SETX: variants seen among roughly 807,000 people sequenced by gnomAD.
The protein encoded by SETX is helicase senataxin.
In SETX, 90 loss-of-function variants were observed where a neutral mutation model predicts 227.2. That is an observed-to-expected ratio of 0.40 (90% confidence interval 0.33 to 0.47). SETX has a LOEUF of 0.47. Among genes scored for constraint, SETX ranks in the 20% least tolerant of loss-of-function variants. The pLI, the probability that SETX is intolerant of heterozygous loss-of-function variation, is 0.91. For synonymous variants in SETX, 1,210 were observed against 1,113.2 expected, an observed-to-expected ratio of 1.09 and a Z score of -1.73; for missense variants, 3,052 against 3,181.5, an observed-to-expected ratio of 0.96 and a Z score of 0.98.
intron 10 of SETX, among the ~76,000 whole-genome samples, chr9:132,317,945 CCTT>C (rs1274627553): frequency 5.3e-5 from 8 of 152,292 alleles, no homozygotes; most frequent in East Asian, 3.9e-4. Context: ...ACTCTCAACT[CCTT>C]CTCCATTTCT....
chr9:132,274,648 G>A (rs184467507), intron 23 of SETX, among the ~76,000 whole-genome samples: 1 of 151,998 alleles, frequency 6.6e-6, no homozygotes, highest in African/African-American at 2.4e-5. Flanking sequence ...GTTTCACCAT[G>A]TTGCCCAGGC....
At position 132,328,035 on chromosome 9, in the gene SETX, G is replaced by C; in HGVS notation, c.3563C>G (p.Thr1188Ser). 9.3e-6 allele frequency: 15 copies of C among 1,614,082 alleles called. No homozygotes were observed. The highest frequency in any genetic ancestry group is 1.2e-5 in the Non-Finnish European group (14 of 1,180,010). The change falls in exon 10 of 26, where the codon ACT (threonine) becomes AGT (serine). Residue 1188 changes from threonine to serine, a missense_variant. Physicochemically the swap from Thr to Ser is moderately conservative, Grantham distance 58. Coordinates refer to ENST00000224140, the MANE Select transcript of SETX (RefSeq NM_015046.7). The stretch of plus-strand genomic sequence containing the variant: ...ATTTCCCACAAGATCTCTCTTATTA[G>C]TATCAGACTGGCCCTCATTTCTGAC... ...SSVRNEGQSDTNKRDLVGNDF... is the reference protein window; with the variant it reads ...SSVRNEGQSDSNKRDLVGNDF...
chr9:132,302,864 TAAAG>T (rs1472245653), intron 11 of SETX, among the ~76,000 whole-genome samples: 3 of 152,152 alleles, frequency 2.0e-5, no homozygotes, highest in South Asian at 2.1e-4. Context: ...GCTATACAGA[TAAAG>T]AAAACGGTGT....
At chr9:132,313,777 T>C (rs1845805711) in intron 10 of SETX, among the ~76,000 whole-genome samples, 1 of 151,442 alleles carries the variant, frequency 6.6e-6, no homozygotes, top group African/African-American at 2.4e-5. Flanking sequence ...GGATGAAAAA[T>C]CATGCAGATG....
intron 11 of SETX, among the ~76,000 whole-genome samples, chr9:132,306,077 C>T (rs1845319797): frequency 6.6e-6 from 1 of 152,172 alleles, no homozygotes; most frequent in Non-Finnish European, 1.5e-5. Flanking sequence ...TTCTTCATCT[C>T]CTTACTCCAT....
chr9:132,269,853 CTAGAATGA>C (rs1187856484), intron 24 of SETX, 151 bp from the exon 25 acceptor site: 2 of 768,410 alleles, frequency 2.6e-6, no homozygotes, highest in Non-Finnish European at 4.5e-6. Context: ...CAGGTGGACT[CTAGAATGA>C]CTCAGCGTGC....
chr9:132,310,155 A>T (rs945359314), intron 11 of SETX, among the ~76,000 whole-genome samples: 1 of 152,210 alleles, frequency 6.6e-6, no homozygotes, highest in East Asian at 1.9e-4. Flanking sequence ...CAGCTACTAA[A>T]TATGTGAAAA....
At chr9:132,286,397 G>T (rs1428890738) in intron 18 of SETX, 26 bp downstream of exon 18, 4 of 1,501,724 alleles carry the variant, frequency 2.7e-6, no homozygotes, top group Non-Finnish European at 3.6e-6. Context: ...AAAAAATCAA[G>T]AAAATGCTAC....
intron 10 of SETX, among the ~76,000 whole-genome samples, chr9:132,325,551 C>T (rs1052480300): frequency 2.6e-5 from 4 of 152,114 alleles, no homozygotes; most frequent in African/African-American, 7.2e-5. Flanking sequence ...TTCCTTTACC[C>T]GTGCGTCAAT....
chr9:132,273,370 C>T (rs945513946), intron 23 of SETX, among the ~76,000 whole-genome samples: 2 of 152,108 alleles, frequency 1.3e-5, no homozygotes, highest in Admixed American at 1.3e-4. Context: ...ACCATGTTGG[C>T]CAGGCTGGTC....
intron 6 of SETX, among the ~76,000 whole-genome samples, chr9:132,335,709 A>G (rs893169807): frequency 1.3e-5 from 2 of 152,156 alleles, no homozygotes; most frequent in Non-Finnish European, 2.9e-5. Context: ...AAAGCCAACT[A>G]TTACACTAAT....
chr9:132,311,771 T>A lies in SETX; in HGVS notation c.5360A>T (p.Tyr1787Phe), dbSNP rs745606803. The A allele has an allele frequency of 1.9e-6, 3 of 1,611,906 alleles. No individual in the cohort carries two copies. The African/African-American group carries it at 4.0e-5, about 22-fold the overall frequency. ...VRKFPADYIK[Y>F]WEFAVYLEEC... ...AAAAAACTTACCTGCAAACTCCCAG[T>A]ATTTTATATAATCGGCAGGAAATTT... The change falls in exon 11 of 26, where the codon TAC (tyrosine) becomes TTC (phenylalanine). Residue 1787 changes from tyrosine (Y) to phenylalanine (F), a missense_variant. Tyr to Phe is a conservative substitution (Grantham distance 22). This residue lies in a region of SETX where 239 missense variants were observed against 272.1 expected (regional missense o/e 0.88). Transcript: ENST00000224140.
Position 132,329,093 on chromosome 9 carries a change from A to C in SETX, c.2505T>G (p.Asp835Glu). Residue 835 changes from aspartate to glutamate, a missense_variant, in exon 10 of 26, where the codon GAT becomes GAG. Asp to Glu is a conservative substitution (Grantham distance 45). Transcript: ENST00000224140. ...CTAAAGAAAGATTGTGTATGAAACC[A>C]TCTCCTTTCTGAACTCCTGTATCTT... ...SRKDTGVQKG[D>E]GFIHNLSLDP... 6.2e-7 allele frequency: 1 copy of C among 1,610,388 alleles called. No homozygotes were observed. The highest frequency in any genetic ancestry group is 8.5e-7 in the Non-Finnish European group (1 of 1,179,500).
At chr9:132,340,259 T>C (rs915421782) in intron 5 of SETX, among the ~76,000 whole-genome samples, 1 of 152,232 alleles carries the variant, frequency 6.6e-6, no homozygotes. Context: ...TGTAGGTTTG[T>C]TGGTTCTCAC....
intron 4 of SETX, 107 bp from the exon 5 acceptor site, chr9:132,342,906 A>G (rs1171353211): frequency 2.4e-6 from 2 of 830,236 alleles, no homozygotes; most frequent in Non-Finnish European, 3.9e-6. Context: ...TTTGCTTTTT[A>G]TTTTTCCAAA....
intron 10 of SETX, among the ~76,000 whole-genome samples, chr9:132,325,281 G>A (rs1426401651): frequency 2.0e-5 from 3 of 152,070 alleles, no homozygotes; most frequent in Non-Finnish European, 4.4e-5. Flanking sequence ...GCCTGAACCC[G>A]GGAGGCAGAG....
Position 132,353,630 on chromosome 9 carries a change from T to TA in SETX, c.-8+18dup, listed in dbSNP as rs66524976. On this transcript the variant is annotated intron_variant, in intron 2 of 25. Coordinates refer to ENST00000224140, the MANE Select transcript of SETX (RefSeq NM_015046.7). ...TTACCTTGGTGCTCTGAACTCCTGC[T>TA]AAAAAAAAAAATTATTACCTGGACA... 103,067 of 149,338 alleles carry TA rather than the reference T, an allele frequency of 0.69. 38,103 individuals are homozygous for TA. The highest frequency in any genetic ancestry group is 0.83 in the Non-Finnish European group (56,050 of 67,258). 9.3% of individuals were successfully genotyped at this position (149,338 alleles called of 1,614,324 possible). A position where few individuals can be genotyped will look rare whatever the true frequency, so the allele number is the denominator to read the frequency against.
upstream of SETX, among the ~76,000 whole-genome samples, chr9:132,355,347 T>C (rs1280816010): frequency 7.4e-6 from 1 of 134,510 alleles, no homozygotes; most frequent in Non-Finnish European, 1.6e-5. Flanking sequence ...CCCTCTTTTT[T>C]CTTCTTTTTT....
chr9:132,344,598 G>C (rs567414966), intron 4 of SETX, among the ~76,000 whole-genome samples: 14 of 152,298 alleles, frequency 9.2e-5, no homozygotes, highest in African/African-American at 3.4e-4. Context: ...TTTTGGGCCA[G>C]GCACGCTGGC....
Sources: allele counts gnomAD v4.1 joint callset (sites outside exome capture counted in the v4.1 genomes callset), GRCh38; gene constraint gnomAD v4.1.1; regional missense constraint gnomAD v4.1.1; transcripts MANE v1.5; gene names NCBI Gene and HGNC (gene_info 2026-07-23, HGNC 2026-07-21).